NKAIN3: variants seen among roughly 807,000 people sequenced by gnomAD.
NKAIN3 encodes sodium/potassium transporting ATPase interacting 3, also known as sodium/potassium-transporting ATPase subunit beta-1-interacting protein 3.
In NKAIN3, 25 loss-of-function variants were observed where a neutral mutation model predicts 30.2. The observed-to-expected ratio is 0.83, with a 90% CI of 0.60 to 1.16. The LOEUF is 1.16. Ranked by LOEUF, NKAIN3 falls within the 50% of genes most tolerant of loss-of-function variation. NKAIN3 has a pLI of 0.00. For synonymous variants in NKAIN3, 91 were observed against 89.6 expected (o/e 1.02, Z -0.09); for missense variants, 225 against 254.1 (o/e 0.89, Z 0.78).
intron 4 of NKAIN3, among the ~76,000 whole-genome samples, chr8:62,895,603 C>T (rs560592410): frequency 6.6e-6 from 1 of 152,160 alleles, no homozygotes; most frequent in African/African-American, 2.4e-5. Context: ...AGCCTTCTCC[C>T]AACTAGCTTT....
chr8:62,727,752 A>G (rs1815306417), intron 3 of NKAIN3, among the ~76,000 whole-genome samples: 1 of 152,178 alleles, frequency 6.6e-6, no homozygotes, highest in Non-Finnish European at 1.5e-5. Flanking sequence ...AATATTGTCA[A>G]GATGTCAGTC....
chr8:62,588,278 A>G (rs1585981630), intron 2 of NKAIN3, among the ~76,000 whole-genome samples: 2 of 152,004 alleles, frequency 1.3e-5, no homozygotes, highest in South Asian at 2.1e-4. Context: ...TGAACAGAAT[A>G]TATTACAGCA....
intron 3 of NKAIN3, among the ~76,000 whole-genome samples, chr8:62,597,932 A>G (rs1280080541): frequency 6.6e-6 from 1 of 151,964 alleles, no homozygotes; most frequent in Non-Finnish European, 1.5e-5. Context: ...ATTGAGAAAA[A>G]TTTATGTTAG....
rs1009988953 is a variant in NKAIN3, at chr8:62,374,126, A to G, written c.54+124999A>G. Among the ~76,000 whole-genome samples the G allele has an allele frequency of 6.7e-5, 10 of 150,340 alleles. No homozygotes were observed. The East Asian group carries it at 1.6e-3, about 24-fold the overall frequency. ...AGACTCCATCTCCAAAAAAAAAAAA[A>G]AAAAAAAAAAAGAGAAGACAGAAGA... On this transcript the variant is annotated intron_variant, in intron 1 of 6. Transcript: ENST00000623646.
rs1275944023 is a variant in NKAIN3 at position 62,526,404 on chromosome 8, C to T, written c.55-53135C>T. 1.3e-5 allele frequency among the ~76,000 whole-genome samples: 2 copies of T among 152,058 alleles called. 1 individual carries two copies. Among genetic ancestry groups the T allele is most frequent in the Non-Finnish European group, 2.9e-5 (2 of 68,020 alleles). On this transcript the variant is annotated intron_variant, in intron 1 of 6. Transcript: ENST00000623646. ...CATTATAGCAAGAAATTGACTACTGCCTAGTCAAGGATATTTTGGACTCGA... is the reference window on the plus strand; with the variant it reads ...CATTATAGCAAGAAATTGACTACTGTCTAGTCAAGGATATTTTGGACTCGA...
Position 62,977,276 on chromosome 8 carries a change from C to A in NKAIN3, c.*11869C>A, listed in dbSNP as rs1167342406. Among the ~76,000 whole-genome samples the A allele has an allele frequency of 6.6e-6, 1 of 152,102 alleles. No individual in the cohort carries two copies. The highest frequency in any genetic ancestry group is 6.5e-5 in the Admixed American group (1 of 15,284). On this transcript the variant is annotated 3_prime_UTR_variant, in exon 7 of 7. Coordinates refer to ENST00000623646, the MANE Select transcript of NKAIN3 (RefSeq NM_001304533.3). ...TTGGGGAAGTTCTCCTGGATTATAT[C>A]CTAAATTGTGCTTTCCAACTTGATT... is the stretch of plus-strand genomic sequence containing the variant.
At chr8:62,855,583 C>G in intron 4 of NKAIN3, 1 of 1,586,720 alleles carries the variant, frequency 6.3e-7, no homozygotes, top group Non-Finnish European at 8.6e-7. Flanking sequence ...TTGCTTCAAC[C>G]TTGGGCAATG....
At chr8:62,751,976 G>C (rs546182147) in intron 4 of NKAIN3, among the ~76,000 whole-genome samples, 1 of 152,232 alleles carries the variant, frequency 6.6e-6, no homozygotes, top group African/African-American at 2.4e-5. Flanking sequence ...TTGCAGGATA[G>C]AATTGTGTTC....
At chr8:62,825,725 G>C (rs973997800) in intron 4 of NKAIN3, among the ~76,000 whole-genome samples, 1 of 152,132 alleles carries the variant, frequency 6.6e-6, no homozygotes, top group Non-Finnish European at 1.5e-5. Flanking sequence ...CTACCTATGA[G>C]AGGCTCCCCA....
chr8:62,563,930 T>C (rs1258924065), intron 1 of NKAIN3, among the ~76,000 whole-genome samples: 2 of 152,164 alleles, frequency 1.3e-5, no homozygotes, highest in Non-Finnish European at 2.9e-5. Context: ...CTCCTTGCTT[T>C]GAGTCACTTA....
At chr8:62,786,398 A>G (rs1443643186) in intron 4 of NKAIN3, among the ~76,000 whole-genome samples, 1 of 152,088 alleles carries the variant, frequency 6.6e-6, no homozygotes, top group Non-Finnish European at 1.5e-5. Flanking sequence ...GATAATCAGT[A>G]CTTTCCAGTA....
rs181621119 is a variant in NKAIN3, at chr8:62,404,091, G to A, written c.54+154964G>A. Among the ~76,000 whole-genome samples the A allele has an allele frequency of 7.2e-5, 11 of 152,336 alleles. No homozygotes were observed. The East Asian group carries it at 9.7e-4, about 13-fold the overall frequency. Reference sequence around the variant, plus strand: ...ACTGTTTTGGACTCACATGGGGCCCGTAGCCCCTTTGTTTTGGCCAATTTA... The same window carrying A: ...ACTGTTTTGGACTCACATGGGGCCCATAGCCCCTTTGTTTTGGCCAATTTA... On this transcript the variant is annotated intron_variant, in intron 1 of 6. Transcript: ENST00000623646.
intron 3 of NKAIN3, among the ~76,000 whole-genome samples, chr8:62,650,623 A>G (rs377015293): frequency 1.3e-5 from 2 of 152,112 alleles, no homozygotes; most frequent in East Asian, 3.9e-4. Flanking sequence ...TACATTTTCC[A>G]TAACTAATTA....
intron 3 of NKAIN3, among the ~76,000 whole-genome samples, chr8:62,721,360 T>C (rs1015264343): frequency 2.0e-5 from 3 of 152,184 alleles, no homozygotes; most frequent in Admixed American, 1.3e-4. Context: ...GTTAAGCAGG[T>C]AAGTGAAAAT....
At chr8:62,702,739 T>C (rs1814379911) in intron 3 of NKAIN3, among the ~76,000 whole-genome samples, 1 of 152,212 alleles carries the variant, frequency 6.6e-6, no homozygotes, top group Non-Finnish European at 1.5e-5. Flanking sequence ...TTGATTTTAA[T>C]TTTATCTCAA....
chr8:62,760,387 C>T (rs556266762), intron 4 of NKAIN3, among the ~76,000 whole-genome samples: 1 of 152,078 alleles, frequency 6.6e-6, no homozygotes, highest in East Asian at 1.9e-4. Context: ...AAATGGCCAA[C>T]AATGATAGAC....
chr8:62,985,697 A>G (rs1347874085), downstream of NKAIN3, among the ~76,000 whole-genome samples: 2 of 152,190 alleles, frequency 1.3e-5, no homozygotes, highest in African/African-American at 4.8e-5. Flanking sequence ...TCCCAAAAAC[A>G]GTGAGTGAAT....
At chr8:62,545,018 T>C (rs1808962954) in intron 1 of NKAIN3, among the ~76,000 whole-genome samples, 1 of 152,164 alleles carries the variant, frequency 6.6e-6, no homozygotes, top group African/African-American at 2.4e-5. Flanking sequence ...TTCAGCCTCA[T>C]AGGCTGAGGA....
chr8:62,330,864 A>G (rs1815321294), intron 1 of NKAIN3, among the ~76,000 whole-genome samples: 1 of 151,798 alleles, frequency 6.6e-6, no homozygotes, highest in Non-Finnish European at 1.5e-5. Flanking sequence ...GGCCCATTCA[A>G]AACACTCATA....
Sources: gnomAD v4.1 joint callset for allele counts (sites outside exome capture counted in the v4.1 genomes callset) on GRCh38, gnomAD v4.1.1 for gene constraint, MANE v1.5 for transcripts, NCBI Gene and HGNC (gene_info 2026-07-23, HGNC 2026-07-21) for gene names.